The following ARHGAP10 variants were observed in gnomAD, a reference collection of about 807,000 sequenced individuals.
The protein encoded by ARHGAP10 is Rho GTPase activating protein 10.
ARHGAP10 carries 87 observed loss-of-function variants against 108.6 expected under a neutral mutation model. The observed-to-expected ratio is 0.80, with a 90% CI of 0.67 to 0.96. The LOEUF is 0.96. Ranked by LOEUF, ARHGAP10 falls within the 40% of genes least tolerant of loss-of-function variation. The probability of loss-of-function intolerance (pLI) is 0.00; values close to 1 mark genes in which losing one functional copy is unlikely to be tolerated. For synonymous variants in ARHGAP10, 347 were observed against 341.1 expected (o/e 1.02, Z -0.19); for missense variants, 939 against 954.5 (o/e 0.98, Z 0.21).
chr4:148,063,360 A>T (rs1488907029), intron 21 of ARHGAP10, 60 bp downstream of exon 21: 5 of 1,599,536 alleles, frequency 3.1e-6, no homozygotes, highest in Admixed American at 1.7e-5. Flanking sequence ...GGCTTGATGA[A>T]CCTGAGCAGG....
At chr4:147,936,724 A>G (rs1046941146) in intron 13 of ARHGAP10, among the ~76,000 whole-genome samples, 1 of 152,170 alleles carries the variant, frequency 6.6e-6, no homozygotes, top group African/African-American at 2.4e-5. Flanking sequence ...TAGGTAGACT[A>G]AGGGCTAGCC....
chr4:147,861,107 C>T (rs1355622193), intron 5 of ARHGAP10: 4 of 152,324 alleles, frequency 2.6e-5, no homozygotes, highest in African/African-American at 9.6e-5. Context: ...TGCTACTGGC[C>T]TGGATCTCAT....
At chr4:147,829,327 A>C (rs545314999) in intron 3 of ARHGAP10, among the ~76,000 whole-genome samples, 1 of 152,084 alleles carries the variant, frequency 6.6e-6, no homozygotes, top group East Asian at 1.9e-4. Flanking sequence ...TGCTGGGATT[A>C]CAGGTGTGAG....
chr4:147,883,761 C>G (rs909742473), intron 10 of ARHGAP10, among the ~76,000 whole-genome samples: 6 of 151,730 alleles, frequency 4.0e-5, no homozygotes, highest in African/African-American at 1.5e-4. Flanking sequence ...GTGGTGTAAT[C>G]TCGGCTCACT....
intron 16 of ARHGAP10, among the ~76,000 whole-genome samples, chr4:147,957,181 G>A (rs1483840702): frequency 6.6e-6 from 1 of 152,162 alleles, no homozygotes; most frequent in Admixed American, 6.5e-5. Context: ...CATTGGCATG[G>A]ATTTGCACCT....
chr4:147,887,714 T>C (rs772458336), intron 10 of ARHGAP10, among the ~76,000 whole-genome samples: 74 of 151,926 alleles, frequency 4.9e-4, no homozygotes, highest in Non-Finnish European at 9.7e-4. Flanking sequence ...ATACAAAAAT[T>C]AGCCGGGTGT....
At chr4:147,995,790 C>T (rs1034797692) in intron 18 of ARHGAP10, among the ~76,000 whole-genome samples, 2 of 152,084 alleles carry the variant, frequency 1.3e-5, no homozygotes, top group African/African-American at 4.8e-5. Context: ...GATCTCTGCT[C>T]ACTGCGAGCT....
intron 13 of ARHGAP10, among the ~76,000 whole-genome samples, chr4:147,930,387 G>C (rs1035152029): frequency 6.6e-6 from 1 of 151,980 alleles, no homozygotes; most frequent in African/African-American, 2.4e-5. Context: ...CAATTCATTT[G>C]TTAAATATAT....
chr4:147,787,481 C>G (rs1022831492), intron 1 of ARHGAP10, among the ~76,000 whole-genome samples: 1 of 152,008 alleles, frequency 6.6e-6, no homozygotes, highest in Non-Finnish European at 1.5e-5. Flanking sequence ...CAAATGTGTT[C>G]TTGCCAGACT....
chr4:147,766,015 C>G (rs941312793), intron 1 of ARHGAP10, among the ~76,000 whole-genome samples: 2 of 151,848 alleles, frequency 1.3e-5, no homozygotes, highest in African/African-American at 4.8e-5. Flanking sequence ...TGGCTGGGTG[C>G]GGTACCTGTA....
At chr4:148,001,000 C>T (rs1389052664) in intron 18 of ARHGAP10, among the ~76,000 whole-genome samples, 1 of 152,158 alleles carries the variant, frequency 6.6e-6, no homozygotes, top group Admixed American at 6.5e-5. Flanking sequence ...AAGTCCTTGC[C>T]CATGCCTATG....
intron 1 of ARHGAP10, among the ~76,000 whole-genome samples, chr4:147,737,751 A>G (rs1051258228): frequency 2.6e-5 from 4 of 152,144 alleles, no homozygotes; most frequent in African/African-American, 7.2e-5. Flanking sequence ...AATAATTACA[A>G]TCAGACTTGA....
intron 13 of ARHGAP10, among the ~76,000 whole-genome samples, chr4:147,933,541 C>T (rs900245050): frequency 6.6e-6 from 1 of 151,070 alleles, no homozygotes; most frequent in Non-Finnish European, 1.5e-5. Flanking sequence ...GAGCCTGTGA[C>T]CACTGTAGCT....
chr4:147,907,504 A>G (rs1159348381), intron 11 of ARHGAP10, among the ~76,000 whole-genome samples: 3 of 151,498 alleles, frequency 2.0e-5, no homozygotes, highest in East Asian at 1.9e-4. Flanking sequence ...TTGTTGAGGG[A>G]AAAAAAAAGA....
chr4:147,738,491 T>G (rs1157947159), intron 1 of ARHGAP10, among the ~76,000 whole-genome samples: 5 of 152,068 alleles, frequency 3.3e-5, no homozygotes, highest in Non-Finnish European at 7.4e-5. Context: ...AGGTGGAGCT[T>G]TCAGCGAGCA....
intron 20 of ARHGAP10, among the ~76,000 whole-genome samples, chr4:148,061,962 A>G (rs1455016191): frequency 2.0e-5 from 3 of 151,808 alleles, no homozygotes; most frequent in Non-Finnish European, 4.4e-5. Context: ...GTATTGGGGG[A>G]GGTGGAACTG....
chr4:148,003,816 G>A (rs1158047668), intron 18 of ARHGAP10, among the ~76,000 whole-genome samples: 1 of 115,802 alleles, frequency 8.6e-6, no homozygotes, highest in African/African-American at 4.9e-5. Flanking sequence ...CTGCATGTGA[G>A]ATGGGTTTCC....
At chr4:148,061,461 T>G (rs1401960349) in intron 20 of ARHGAP10, among the ~76,000 whole-genome samples, 1 of 150,664 alleles carries the variant, frequency 6.6e-6, no homozygotes, top group African/African-American at 2.5e-5. Flanking sequence ...GCGTTCCTTT[T>G]CTGCTAAAAA....
At chr4:147,945,850 A>AT (rs1465094726) in intron 14 of ARHGAP10, among the ~76,000 whole-genome samples, 2 of 152,140 alleles carry the variant, frequency 1.3e-5, no homozygotes, top group African/African-American at 2.4e-5. Flanking sequence ...AGTGGAACTT[A>AT]TTAAGCTTAA....
Sources: gnomAD v4.1 joint callset for allele counts (sites outside exome capture counted in the v4.1 genomes callset) on GRCh38, gnomAD v4.1.1 for gene constraint, MANE v1.5 for transcripts, NCBI Gene and HGNC (gene_info 2026-07-23, HGNC 2026-07-21) for gene names.